Variants in OTUD7A observed in about 807,000 individuals in gnomAD.
The protein encoded by OTUD7A is OTU domain-containing protein 7A.
A neutral mutation model predicts 65.7 loss-of-function variants in OTUD7A; 12 were observed. The observed-to-expected ratio is 0.18, with a 90% CI of 0.12 to 0.30. OTUD7A has a LOEUF of 0.30. OTUD7A is among the 10% of genes least tolerant of loss of function. The pLI, the probability that OTUD7A is intolerant of heterozygous loss-of-function variation, is 1.00. For synonymous variants in OTUD7A, 641 were observed against 586.3 expected, an observed-to-expected ratio of 1.09 and a Z score of -1.35; for missense variants, 1,148 against 1,304.8, an observed-to-expected ratio of 0.88 and a Z score of 1.85.
chr15:31,834,557 T>A (rs985788976), intron 1 of OTUD7A, among the ~76,000 whole-genome samples: 2 of 152,214 alleles, frequency 1.3e-5, no homozygotes, highest in African/African-American at 4.8e-5. Context: ...AGATTTCAGA[T>A]GTAATTTGTA....
intron 1 of OTUD7A, among the ~76,000 whole-genome samples, chr15:31,733,466 A>C (rs919449530): frequency 6.6e-6 from 1 of 152,212 alleles, no homozygotes; most frequent in Non-Finnish European, 1.5e-5. Context: ...CCTGCTGCTC[A>C]GCCTGACTAA....
At chr15:31,830,788 T>C (rs929278731) in intron 1 of OTUD7A, among the ~76,000 whole-genome samples, 10 of 152,226 alleles carry the variant, frequency 6.6e-5, no homozygotes, top group African/African-American at 2.4e-4. Context: ...AGAATTTTCT[T>C]AGTCATCACC....
At chr15:31,726,272 T>A (rs1362065109) in intron 1 of OTUD7A, among the ~76,000 whole-genome samples, 1 of 152,062 alleles carries the variant, frequency 6.6e-6, no homozygotes, top group Non-Finnish European at 1.5e-5. Context: ...CCTGGATAGT[T>A]CCTACATGAC....
rs1272887242 is a variant in OTUD7A, at chr15:31,549,485, T to A, written c.550+9484A>T. ...CGGGATGTCACTCCTGTGATTAGGTTATAATATGGGGTAAAGTGAGGGGAT... is the reference window on the plus strand; with the variant it reads ...CGGGATGTCACTCCTGTGATTAGGTAATAATATGGGGTAAAGTGAGGGGAT... On this transcript the variant is annotated intron_variant, in intron 5 of 12. Coordinates refer to ENST00000307050, the MANE Select transcript of OTUD7A (RefSeq NM_001382637.1). Among the ~76,000 whole-genome samples the A allele has an allele frequency of 3.3e-5, 5 of 152,174 alleles. No homozygotes were observed. In the East Asian group the frequency reaches 5.8e-4, roughly 18 times the overall value.
intron 3 of OTUD7A, among the ~76,000 whole-genome samples, chr15:31,580,035 G>C (rs1211532404): frequency 6.6e-6 from 1 of 152,218 alleles, no homozygotes; most frequent in Non-Finnish European, 1.5e-5. Flanking sequence ...GATCCAAGGG[G>C]CTCCCTGGGA....
intron 1 of OTUD7A, among the ~76,000 whole-genome samples, chr15:31,685,200 C>T (rs557410839): frequency 2.4e-4 from 37 of 152,218 alleles, no homozygotes; most frequent in Non-Finnish European, 4.4e-4. Flanking sequence ...GTTTACAGCC[C>T]TGTGAGATTA....
At chr15:31,806,737 A>G (rs1161646006) in intron 1 of OTUD7A, among the ~76,000 whole-genome samples, 1 of 152,232 alleles carries the variant, frequency 6.6e-6, no homozygotes, top group African/African-American at 2.4e-5. Flanking sequence ...GAATTTATCA[A>G]AATATGTTAT....
At chr15:31,802,855 CTTCAGGCCTGAATTGAACCCCAAT>C (rs1051020519) in intron 1 of OTUD7A, among the ~76,000 whole-genome samples, 1 of 152,204 alleles carries the variant, frequency 6.6e-6, no homozygotes, top group Non-Finnish European at 1.5e-5. Flanking sequence ...AGGTCAAATT[CTTCAGGCCTGAATTGAACCCCAAT>C]TGAGTGTTGG....
At chr15:31,541,943 C>A (rs987186683) in intron 5 of OTUD7A, among the ~76,000 whole-genome samples, 1 of 152,078 alleles carries the variant, frequency 6.6e-6, no homozygotes, top group African/African-American at 2.4e-5. Context: ...AAAACTTCCC[C>A]GGAAATGTTG....
intron 5 of OTUD7A, among the ~76,000 whole-genome samples, chr15:31,538,531 G>A (rs1003228273): frequency 4.6e-5 from 7 of 152,080 alleles, no homozygotes; most frequent in African/African-American, 9.7e-5. Context: ...CCCACGATCC[G>A]CTGACCCTTA....
intron 1 of OTUD7A, among the ~76,000 whole-genome samples, chr15:31,780,239 C>T (rs1191464110): frequency 2.6e-5 from 4 of 152,168 alleles, no homozygotes; most frequent in Non-Finnish European, 4.4e-5. Flanking sequence ...TCCAGTAACA[C>T]ACACAATAAA....
intron 1 of OTUD7A, among the ~76,000 whole-genome samples, chr15:31,793,030 T>A (rs1056397669): frequency 6.6e-6 from 1 of 152,178 alleles, no homozygotes; most frequent in Admixed American, 6.5e-5. Context: ...AGATGGCGTG[T>A]GGGCACAGGA....
At chr15:31,828,517 T>G (rs1302354867) in intron 1 of OTUD7A, among the ~76,000 whole-genome samples, 4 of 152,204 alleles carry the variant, frequency 2.6e-5, no homozygotes, top group African/African-American at 9.7e-5. Flanking sequence ...CTATAGTCAA[T>G]GACAAGTAAT....
At chr15:31,850,540 C>A (rs959717361) in intron 1 of OTUD7A, among the ~76,000 whole-genome samples, 1 of 150,398 alleles carries the variant, frequency 6.6e-6, no homozygotes, top group African/African-American at 2.4e-5. Flanking sequence ...GCACATGTAC[C>A]CTCAAACTTA....
chr15:31,596,096 C>T (rs1260162983), intron 3 of OTUD7A, among the ~76,000 whole-genome samples: 1 of 152,090 alleles, frequency 6.6e-6, no homozygotes, highest in Admixed American at 6.6e-5. Context: ...ACCTGAATTC[C>T]ATCTGCAAAG....
chr15:31,740,430 G>T (rs919533864), intron 1 of OTUD7A, among the ~76,000 whole-genome samples: 2 of 151,934 alleles, frequency 1.3e-5, no homozygotes, highest in Admixed American at 6.6e-5. Context: ...TGAGCAGATG[G>T]TGGGGGGAGG....
intron 2 of OTUD7A, 97 bp from the exon 3 acceptor site, chr15:31,655,347 G>C (rs1891960091): frequency 1.7e-6 from 1 of 586,850 alleles, no homozygotes; most frequent in Non-Finnish European, 2.9e-6. Flanking sequence ...AACCCTCGAG[G>C]GTGGAGCCAT....
Position 31,479,300 on chromosome 15 carries a change from G to T in OTUD7A, c.*3994C>A, listed in dbSNP as rs2041075793. On this transcript the variant is annotated 3_prime_UTR_variant, in exon 13 of 13. Coordinates refer to ENST00000307050, the MANE Select transcript of OTUD7A (RefSeq NM_001382637.1). ...TGTCTGGCCCAGCAGGGCTTGCTCA[G>T]CCACAGAAACACATTTCTTCTTATC... is the stretch of plus-strand genomic sequence containing the variant. 1 of 152,202 alleles carries T rather than the reference G, an allele frequency of 6.6e-6. No individual in the cohort carries two copies. Among genetic ancestry groups the T allele is most frequent in the Non-Finnish European group, 1.5e-5 (1 of 68,048 alleles). The allele number at this position is 152,202 out of a possible 1,614,324, so 9.4% of individuals were successfully genotyped here. A position where few individuals can be genotyped will look rare whatever the true frequency, so the allele number is the denominator to read the frequency against.
intron 1 of OTUD7A, among the ~76,000 whole-genome samples, chr15:31,852,504 T>C (rs1038611251): frequency 1.3e-5 from 2 of 152,122 alleles, no homozygotes; most frequent in Non-Finnish European, 2.9e-5. Context: ...CAAAATACAG[T>C]TTGGGTTCAC....
Sources: gnomAD v4.1 joint callset for allele counts (sites outside exome capture counted in the v4.1 genomes callset) on GRCh38, gnomAD v4.1.1 for gene constraint, MANE v1.5 for transcripts, NCBI Gene and HGNC (gene_info 2026-07-23, HGNC 2026-07-21) for gene names.